SKA3: variants seen among roughly 807,000 people sequenced by gnomAD.
SKA3 encodes the protein spindle and kinetochore associated complex subunit 3.
A neutral mutation model predicts 44.2 loss-of-function variants in SKA3; 39 were observed. That is an observed-to-expected ratio of 0.88 (90% CI 0.68 to 1.15). SKA3 has a LOEUF of 1.15. Among genes scored for constraint, SKA3 ranks in the 50% most tolerant of loss-of-function variants. The pLI is 0.00. For synonymous variants in SKA3, 192 were observed against 172.0 expected, an observed-to-expected ratio of 1.12 and a Z score of -0.91; for missense variants, 511 against 485.8, an observed-to-expected ratio of 1.05 and a Z score of -0.49.
intron 3 of SKA3, among the ~76,000 whole-genome samples, chr13:21,168,766 G>A (rs1487677636): frequency 6.6e-6 from 1 of 151,786 alleles, no homozygotes; most frequent in Admixed American, 6.6e-5. Flanking sequence ...GGGCTCAAAT[G>A]ATCCTCCTGC....
intron 4 of SKA3, among the ~76,000 whole-genome samples, chr13:21,166,868 A>T (rs1167098272): frequency 6.6e-6 from 1 of 152,144 alleles, no homozygotes; most frequent in Non-Finnish European, 1.5e-5. Flanking sequence ...TTGGATTAAA[A>T]TTTTATCTTT....
At chr13:21,155,263 T>G in intron 8 of SKA3, 113 bp from the exon 9 acceptor site, 1 of 753,360 alleles carries the variant, frequency 1.3e-6, no homozygotes, top group South Asian at 2.1e-5. Flanking sequence ...TGAGGATAGA[T>G]TCCCACTGAT....
chr13:21,157,911 G>T lies in SKA3; in HGVS notation c.1119+11C>A. The stretch of plus-strand genomic sequence containing the variant: ...CAGCAAAAAAAAAAAAAAATAGCCT[G>T]GAAAAATAACCTGGAGAATATCTTC... On this transcript the variant is annotated intron_variant, in intron 7 of 8. Transcript: ENST00000314759. 1 of 1,484,352 alleles carries T rather than the reference G, an allele frequency of 6.7e-7. No homozygotes were observed. Among genetic ancestry groups the T allele is most frequent in the Non-Finnish European group, 9.0e-7 (1 of 1,117,122 alleles). 91.9% of individuals were successfully genotyped at this position (1,484,352 alleles called of 1,614,324 possible).
intron 4 of SKA3, among the ~76,000 whole-genome samples, chr13:21,164,149 C>T (rs150685835): frequency 2.2e-4 from 33 of 152,242 alleles, no homozygotes; most frequent in African/African-American, 7.7e-4. Flanking sequence ...GTTTTTAAAA[C>T]CTGTTATGTA....
At position 21,168,217 on chromosome 13, in the gene SKA3, G is replaced by C. The variant is rs1410540398; in HGVS notation, c.514C>G (p.Leu172Val). Residue 172 changes from leucine (L) to valine (V), a missense_variant, in exon 4 of 9, where the codon CTA becomes GTA. Leu to Val is a conservative substitution (Grantham distance 32, BLOSUM62 1). Transcript: ENST00000314759. ...TTCACTGCCTGTGGAGGGTTTGGTAGAACTTGGGATACGATGTACCGCTCA... is the reference window on the plus strand; with the variant it reads ...TTCACTGCCTGTGGAGGGTTTGGTACAACTTGGGATACGATGTACCGCTCA... ...GLERYIVSQVLPNPPQAVNNY... is the reference protein window; with the variant it reads ...GLERYIVSQVVPNPPQAVNNY... 1 of 1,614,166 alleles carries C rather than the reference G, an allele frequency of 6.2e-7. No individual in the cohort carries two copies. Among genetic ancestry groups the C allele is most frequent in the East Asian group, 2.2e-5 (1 of 44,888 alleles).
At chr13:21,165,830 G>T (rs892188411) in intron 4 of SKA3, among the ~76,000 whole-genome samples, 1 of 152,038 alleles carries the variant, frequency 6.6e-6, no homozygotes, top group Non-Finnish European at 1.5e-5. Flanking sequence ...AGCTACTCAG[G>T]TGGCTGAGGC....
rs746228168 is a variant in SKA3, at chr13:21,161,877, TGG to T, written c.744-4_744-3del. ...GATTCTGTATCTATGGCCTCCTCACTGGTGTGATTCATAGGGAAATTACAAGG... is the reference window on the plus strand; with the variant it reads ...GATTCTGTATCTATGGCCTCCTCACTTGTGATTCATAGGGAAATTACAAGG... On this transcript the variant is annotated splice_region_variant and splice_polypyrimidine_tract_variant and intron_variant, in intron 4 of 8. Coordinates refer to ENST00000314759, the MANE Select transcript of SKA3 (RefSeq NM_145061.6). The T allele has an allele frequency of 1.3e-6, 2 of 1,599,154 alleles. No individual in the cohort carries two copies. The highest frequency in any genetic ancestry group is 1.7e-6 in the Non-Finnish European group (2 of 1,170,970).
Position 21,154,977 on chromosome 13 carries a change from C to G in SKA3, c.*173G>C. 9.1e-7 allele frequency: 1 copy of G among 1,099,820 alleles called. No individual in the cohort carries two copies. Among genetic ancestry groups the G allele is most frequent in the Middle Eastern group, 2.0e-4 (1 of 4,958 alleles). The allele number at this position is 1,099,820 out of a possible 1,614,324, so 68.1% of individuals were successfully genotyped here. ...CATGTCAACAAGACTAAGGTTAAAC[C>G]TTATTGAAACTTCATAAAAAGCATA... On this transcript the variant is annotated 3_prime_UTR_variant, in exon 9 of 9. Transcript: ENST00000314759.
intron 1 of SKA3, among the ~76,000 whole-genome samples, chr13:21,174,202 C>G (rs1005464696): frequency 6.6e-6 from 1 of 152,172 alleles, no homozygotes; most frequent in Non-Finnish European, 1.5e-5. Context: ...GGATCTAGAA[C>G]TAAAAATACC....
intron 7 of SKA3, among the ~76,000 whole-genome samples, chr13:21,156,603 A>G (rs1022239666): frequency 2.0e-5 from 3 of 152,236 alleles, no homozygotes; most frequent in Admixed American, 2.0e-4. Context: ...GCAATTTATT[A>G]TATCTTCCAG....
rs561789770 is a variant in SKA3, at chr13:21,169,163, G to A, written c.332-764C>T. 2.7e-3 allele frequency among the ~76,000 whole-genome samples: 412 copies of A among 151,618 alleles called. 2 individuals carry two copies. Among genetic ancestry groups the A allele is most frequent in the Admixed American group, 6.4e-3 (98 of 15,238 alleles). On this transcript the variant is annotated intron_variant, in intron 3 of 8. Coordinates refer to ENST00000314759, the MANE Select transcript of SKA3 (RefSeq NM_145061.6). The stretch of plus-strand genomic sequence containing the variant: ...ATGGGGGAAGGCCCCAGGTTGGGGC[G>A]AACAATGAACAACTGTTCTGAGAAA...
At chr13:21,170,205 AGTCTTGCTCT>A (rs1224069878) in intron 3 of SKA3, among the ~76,000 whole-genome samples, 1 of 140,558 alleles carries the variant, frequency 7.1e-6, no homozygotes, top group Non-Finnish European at 1.5e-5. Context: ...TTTGAGATGG[AGTCTTGCTCT>A]GTCACCCAGG....
intron 4 of SKA3, among the ~76,000 whole-genome samples, chr13:21,162,647 T>A (rs1305650991): frequency 6.6e-6 from 1 of 152,038 alleles, no homozygotes; most frequent in African/African-American, 2.4e-5. Context: ...GGATTACAGG[T>A]GTGGATTACA....
At chr13:21,176,242 G>A in intron 1 of SKA3, 133 bp downstream of exon 1, 2 of 691,114 alleles carry the variant, frequency 2.9e-6, no homozygotes, top group South Asian at 4.1e-5. Flanking sequence ...CGCAGCACCC[G>A]CCCTGCGCCT....
chr13:21,167,494 C>T (rs895910675), intron 4 of SKA3, among the ~76,000 whole-genome samples: 2 of 151,976 alleles, frequency 1.3e-5, no homozygotes, highest in Non-Finnish European at 2.9e-5. Context: ...TGGCCGGGCG[C>T]GGTGGCTCAC....
At chr13:21,160,021 A>G (rs373836831) in intron 5 of SKA3, 34 bp from the exon 6 acceptor site, 104 of 1,112,734 alleles carry the variant, frequency 9.3e-5, no homozygotes, top group Non-Finnish European at 1.2e-4. Flanking sequence ...TTAAAAAACT[A>G]TAACTATAGT....
At chr13:21,172,582 C>T (rs1487395159) in intron 2 of SKA3, 38 bp downstream of exon 2, 1 of 1,531,574 alleles carries the variant, frequency 6.5e-7, no homozygotes, top group Non-Finnish European at 8.8e-7. Context: ...AATTACTCGC[C>T]ACAGAAAAAT....
chr13:21,175,411 G>T (rs1324776002), intron 1 of SKA3, among the ~76,000 whole-genome samples: 1 of 151,714 alleles, frequency 6.6e-6, no homozygotes, highest in Non-Finnish European at 1.5e-5. Flanking sequence ...CGAGTAGCTG[G>T]GACTACCGGC....
At position 21,176,436 on chromosome 13, in the gene SKA3, C is replaced by A; in HGVS notation, c.42G>T (p.Leu14=). 6.3e-7 allele frequency: 1 copy of A among 1,582,516 alleles called. No homozygotes were observed. Residue 14 remains leucine (L), a synonymous_variant, in exon 1 of 9, where the codon CTG becomes CTT. Transcript: ENST00000314759. Reference sequence around the variant, plus strand: ...CCGTCTCGCAGTCCAGCGTGCTGGCCAGAGACCGCAGCTTCCCGCAGAAGC... The same window carrying A: ...CCGTCTCGCAGTCCAGCGTGCTGGCAAGAGACCGCAGCTTCCCGCAGAAGC... ...IRSFCGKLRS[L]ASTLDCETAR...
Sources: allele counts gnomAD v4.1 joint callset (sites outside exome capture counted in the v4.1 genomes callset), GRCh38; gene constraint gnomAD v4.1.1; transcripts MANE v1.5; gene names NCBI Gene and HGNC (gene_info 2026-07-23, HGNC 2026-07-21).